CPE: variants seen among roughly 807,000 people sequenced by gnomAD.
CPE encodes the protein carbocypeptidase E.
A neutral mutation model predicts 53.5 loss-of-function variants in CPE; 17 were observed. The ratio of observed to expected loss-of-function variants is 0.32; its 90% CI spans 0.22 to 0.48. The LOEUF (loss-of-function observed/expected upper bound fraction) is 0.48. CPE is among the 20% of genes least tolerant of loss of function. CPE has a pLI of 0.99. For synonymous variants in CPE, 226 were observed against 228.8 expected (o/e 0.99, Z 0.11); for missense variants, 524 against 614.7 (o/e 0.85, Z 1.56).
At chr4:165,408,474 G>C (rs1730987545) in intron 1 of CPE, among the ~76,000 whole-genome samples, 1 of 152,196 alleles carries the variant, frequency 6.6e-6, no homozygotes, top group African/African-American at 2.4e-5. Flanking sequence ...TCATAAGTGA[G>C]TAGAGGCAAC....
chr4:165,379,573 G>T lies in CPE; in HGVS notation c.307+45G>T. 1 of 1,441,538 alleles carries T rather than the reference G, an allele frequency of 6.9e-7. No homozygotes were observed. The highest frequency in any genetic ancestry group is 9.2e-7 in the Non-Finnish European group (1 of 1,083,052). 89.3% of individuals were successfully genotyped at this position (1,441,538 alleles called of 1,614,324 possible). A position where few individuals can be genotyped will look rare whatever the true frequency, so the allele number is the denominator to read the frequency against. On this transcript the variant is annotated intron_variant, in intron 1 of 8. Coordinates refer to ENST00000402744, the MANE Select transcript of CPE (RefSeq NM_001873.4). The surrounding 1 kb of genome is among the most constrained non-coding windows in gnomAD (Gnocchi z 6.0). ...ACAGCCCTGGGGGCATCCCGGAGGGGGGCGGCAGAGGGTGGGACTGGTGGC... is the reference window on the plus strand; with the variant it reads ...ACAGCCCTGGGGGCATCCCGGAGGGTGGCGGCAGAGGGTGGGACTGGTGGC...
intron 1 of CPE, among the ~76,000 whole-genome samples, chr4:165,452,357 C>T (rs941727192): frequency 2.0e-5 from 3 of 151,946 alleles, no homozygotes; most frequent in African/African-American, 7.3e-5. Flanking sequence ...TACCCAAATT[C>T]GATCATTGCA....
chr4:165,439,559 C>CT (rs34260738), intron 1 of CPE, among the ~76,000 whole-genome samples: 85,748 of 146,446 alleles, frequency 0.59, 24,966 homozygotes, highest in East Asian at 0.75. Flanking sequence ...TCGGCTGAAG[C>CT]TTTTTTTTTT....
chr4:165,394,716 A>T (rs947199769), intron 1 of CPE, among the ~76,000 whole-genome samples: 21 of 150,404 alleles, frequency 1.4e-4, no homozygotes, highest in African/African-American at 5.1e-4. Context: ...CCCTATTAAA[A>T]TTTTTTTTTT....
intron 1 of CPE, among the ~76,000 whole-genome samples, chr4:165,417,035 G>A (rs1731136912): frequency 6.6e-6 from 1 of 152,054 alleles, no homozygotes; most frequent in Non-Finnish European, 1.5e-5. Context: ...TAGAAAGCTG[G>A]CAGGTTTATT....
At chr4:165,476,648 C>T (rs1404518921) in intron 3 of CPE, among the ~76,000 whole-genome samples, 2 of 152,122 alleles carry the variant, frequency 1.3e-5, no homozygotes, top group Non-Finnish European at 2.9e-5. Flanking sequence ...GGCAGTTTAA[C>T]AACCTCCCGC....
chr4:165,487,570 T>C lies in CPE; in HGVS notation c.1106T>C (p.Leu369Pro). 1 of 1,614,056 alleles carries C rather than the reference T, an allele frequency of 6.2e-7. No homozygotes were observed. The highest frequency in any genetic ancestry group is 8.5e-7 in the Non-Finnish European group (1 of 1,179,978). ...AACAAAAACTCCCTCATTAGCTACCTTGAGCAGGTAAACACAGTCCCCAGC... is the reference window on the plus strand; with the variant it reads ...AACAAAAACTCCCTCATTAGCTACCCTGAGCAGGTAAACACAGTCCCCAGC... ...EDNKNSLISYLEQIHRGVKGF... is the reference protein window; with the variant it reads ...EDNKNSLISYPEQIHRGVKGF... The change falls in exon 6 of 9, where the codon CTT becomes CCT. Residue 369 changes from leucine (L) to proline (P), a missense_variant. Transcript: ENST00000402744.
At chr4:165,496,821 ATTC>A (rs1732711987) in intron 8 of CPE, among the ~76,000 whole-genome samples, 2 of 152,218 alleles carry the variant, frequency 1.3e-5, no homozygotes, top group Non-Finnish European at 2.9e-5. Flanking sequence ...GCTGAACTGT[ATTC>A]TTCCACATTC....
At chr4:165,409,249 G>A (rs1730999382) in intron 1 of CPE, among the ~76,000 whole-genome samples, 1 of 152,178 alleles carries the variant, frequency 6.6e-6, no homozygotes, top group South Asian at 2.1e-4. Flanking sequence ...TGTTGCCCAG[G>A]CTGGAGTGCA....
chr4:165,470,683 C>G (rs1021672572), intron 3 of CPE, among the ~76,000 whole-genome samples: 1 of 152,166 alleles, frequency 6.6e-6, no homozygotes, highest in African/African-American at 2.4e-5. Flanking sequence ...GGAGGGCCCT[C>G]TCTTGTCCTG....
intron 3 of CPE, among the ~76,000 whole-genome samples, chr4:165,481,703 C>G (rs1280841260): frequency 1.3e-5 from 2 of 152,112 alleles, no homozygotes; most frequent in Non-Finnish European, 2.9e-5. Context: ...ATTTTACAGT[C>G]CACTCTGAAA....
At position 165,497,534 on chromosome 4, in the gene CPE, T is replaced by C; in HGVS notation, c.1355T>C (p.Phe452Ser). 6.4e-7 allele frequency: 1 copy of C among 1,574,546 alleles called. No homozygotes were observed. Among genetic ancestry groups the C allele is most frequent in the Non-Finnish European group, 8.6e-7 (1 of 1,163,492 alleles). Residue 452 changes from phenylalanine to serine, a missense_variant, in exon 9 of 9, where the codon TTT (phenylalanine) becomes TCT (serine). By Grantham distance (155) the Phe-to-Ser change is radical (BLOSUM62 -2). Transcript: ENST00000402744. ...AAGVDFELES[F>S]SERKEEEKEE... Reference sequence around the variant, plus strand: ...TAGGTTGATTTTGAACTGGAGTCATTTTCTGAAAGGAAAGAAGAGGAGAAG... The same window carrying C: ...TAGGTTGATTTTGAACTGGAGTCATCTTCTGAAAGGAAAGAAGAGGAGAAG...
intron 3 of CPE, among the ~76,000 whole-genome samples, chr4:165,479,630 A>T (rs1732366275): frequency 6.6e-6 from 1 of 152,206 alleles, no homozygotes; most frequent in Non-Finnish European, 1.5e-5. Context: ...TAATTACAAA[A>T]TTTGAAAGGC....
intron 1 of CPE, among the ~76,000 whole-genome samples, chr4:165,410,898 T>C (rs1347128893): frequency 6.6e-6 from 1 of 152,112 alleles, no homozygotes; most frequent in Non-Finnish European, 1.5e-5. Context: ...TTTCAGGATC[T>C]GAGGATAAAG....
chr4:165,415,576 C>G (rs1336215040), intron 1 of CPE, among the ~76,000 whole-genome samples: 3 of 151,986 alleles, frequency 2.0e-5, no homozygotes. Context: ...CTTTTATTCT[C>G]TAATTATTTC....
At chr4:165,493,301 G>GTTA in intron 7 of CPE, 31 bp downstream of exon 7, 1 of 1,423,744 alleles carries the variant, frequency 7.0e-7, no homozygotes, top group Non-Finnish European at 9.9e-7. Flanking sequence ...GAGGCTCTAC[G>GTTA]TTATGTACAA....
chr4:165,491,502 A>G (rs930913100), intron 6 of CPE, among the ~76,000 whole-genome samples: 1 of 152,148 alleles, frequency 6.6e-6, no homozygotes, highest in African/African-American at 2.4e-5. Flanking sequence ...CTTTTAATTC[A>G]GAAAGTTAAG....
At chr4:165,438,759 C>A (rs1731554847) in intron 1 of CPE, among the ~76,000 whole-genome samples, 1 of 152,138 alleles carries the variant, frequency 6.6e-6, no homozygotes. Flanking sequence ...AAGGCTAATG[C>A]CAGCTTCTTT....
chr4:165,398,341 C>T (rs1730808689), intron 1 of CPE, among the ~76,000 whole-genome samples: 1 of 151,932 alleles, frequency 6.6e-6, no homozygotes, highest in Non-Finnish European at 1.5e-5. Context: ...CACATATATA[C>T]ACACACATAT....
Sources: allele counts gnomAD v4.1 joint callset (sites outside exome capture counted in the v4.1 genomes callset), GRCh38; gene constraint gnomAD v4.1.1; non-coding constraint Gnocchi (gnomAD v3.1); transcripts MANE v1.5; gene names NCBI Gene and HGNC (gene_info 2026-07-23, HGNC 2026-07-21).